Variants in PTPRJ observed in about 807,000 individuals in gnomAD.
PTPRJ encodes receptor-type tyrosine-protein phosphatase eta.
In PTPRJ, 129 loss-of-function variants were observed where a neutral mutation model predicts 141.3. The observed-to-expected ratio is 0.91, with a 90% CI of 0.79 to 1.06. PTPRJ has a LOEUF of 1.06. Among genes scored for constraint, PTPRJ ranks in the 50% least tolerant of loss-of-function variants. The pLI, the probability that PTPRJ is intolerant of heterozygous loss-of-function variation, is 0.00. For missense variants in PTPRJ, 1,601 were observed against 1,679.7 expected, an observed-to-expected ratio of 0.95 and a Z score of 0.82; for synonymous variants, 610 against 640.5, an observed-to-expected ratio of 0.95 and a Z score of 0.72.
chr11:48,014,736 G>A (rs961785115), intron 1 of PTPRJ: 1 of 152,196 alleles, frequency 6.6e-6, no homozygotes, highest in Non-Finnish European at 1.5e-5. Flanking sequence ...TTTCACTCTT[G>A]TTACCCAGGC....
chr11:48,058,873 C>A, intron 1 of PTPRJ, among the ~76,000 whole-genome samples: 1 of 152,302 alleles, frequency 6.6e-6, no homozygotes, highest in East Asian at 1.9e-4. Flanking sequence ...CCCGGCAGCT[C>A]CCTGGCCTCT....
chr11:48,129,230 A>G (rs76914643), intron 7 of PTPRJ, among the ~76,000 whole-genome samples: 5,669 of 152,344 alleles, frequency 0.037, 113 homozygotes, highest in Middle Eastern at 0.061. Context: ...GGGCTACCAG[A>G]ACAAGTACCA....
In PTPRJ at chr11:48,105,320, C is replaced by G. The variant is rs146349425; in HGVS notation, c.97-4738C>G. Among the ~76,000 whole-genome samples, 102 of 152,264 alleles carry G rather than the reference C, an allele frequency of 6.7e-4. 2 individuals are homozygous for G. The East Asian group carries it at 0.018, about 27-fold the overall frequency. On this transcript the variant is annotated intron_variant, in intron 1 of 24. Coordinates refer to ENST00000418331, the MANE Select transcript of PTPRJ (RefSeq NM_002843.4). ...TTAAGCACCCTCTGCATCTTTGGCACCTAACCTGGGGCCTGGGGCCCTGCA... is the reference window on the plus strand; with the variant it reads ...TTAAGCACCCTCTGCATCTTTGGCAGCTAACCTGGGGCCTGGGGCCCTGCA...
At chr11:48,097,305 T>A (rs1334095744) in intron 1 of PTPRJ, among the ~76,000 whole-genome samples, 1 of 152,186 alleles carries the variant, frequency 6.6e-6, no homozygotes, top group Non-Finnish European at 1.5e-5. Context: ...AGGTAGGGGA[T>A]GACAACATGG....
intron 1 of PTPRJ, among the ~76,000 whole-genome samples, chr11:48,089,832 T>G (rs1262491754): frequency 1.3e-5 from 2 of 152,174 alleles, no homozygotes; most frequent in East Asian, 3.9e-4. Context: ...ACTGCCCTGT[T>G]CCAGGCCTGG....
intron 7 of PTPRJ, 121 bp from the exon 8 acceptor site, chr11:48,130,338 A>T: frequency 9.8e-7 from 1 of 1,018,418 alleles, no homozygotes; most frequent in Non-Finnish European, 1.4e-6. Context: ...GATACAAAGA[A>T]GACAGAGAGA....
chr11:48,137,118 G>A lies in PTPRJ; in HGVS notation c.1989G>A (p.Lys663=), dbSNP rs369635218. 172 of 1,611,080 alleles carry A rather than the reference G, an allele frequency of 1.1e-4. No homozygotes were observed. The highest frequency in any genetic ancestry group is 1.4e-4 in the Non-Finnish European group (167 of 1,177,344). Residue 663 remains lysine (K), a synonymous_variant, in exon 10 of 25, where the codon AAG becomes AAA. Coordinates refer to ENST00000418331, the MANE Select transcript of PTPRJ (RefSeq NM_002843.4). ...PTYSYCLLIE[K]AGNSSNATQV... Reference sequence around the variant, plus strand: ...ACTCCTACTGCCTTCTTATTGAGAAGGCTGGAAATTCCAGCAACGCAACAC... The same window carrying A: ...ACTCCTACTGCCTTCTTATTGAGAAAGCTGGAAATTCCAGCAACGCAACAC...
chr11:48,142,776 T>C (rs1432958057), intron 11 of PTPRJ, 143 bp from the exon 12 acceptor site: 2 of 1,029,368 alleles, frequency 1.9e-6, no homozygotes, highest in African/African-American at 3.3e-5. Context: ...TGCCTTTTGC[T>C]TCTGGATTTG....
At chr11:48,018,044 A>G (rs1443791917) in intron 1 of PTPRJ, among the ~76,000 whole-genome samples, 1 of 152,252 alleles carries the variant, frequency 6.6e-6, no homozygotes, top group African/African-American at 2.4e-5. Context: ...TTCTGATGAT[A>G]AAAATACTTT....
intron 1 of PTPRJ, among the ~76,000 whole-genome samples, chr11:48,014,113 T>C (rs1190665014): frequency 6.6e-6 from 1 of 152,180 alleles, no homozygotes; most frequent in Non-Finnish European, 1.5e-5. Flanking sequence ...GTGGATGCTC[T>C]TCGTTCCTTT....
intron 1 of PTPRJ, among the ~76,000 whole-genome samples, chr11:48,023,719 T>C: frequency 6.7e-6 from 1 of 149,288 alleles, no homozygotes; most frequent in East Asian, 2.0e-4. Context: ...AAGGCAAAGA[T>C]TGCAGTGAGC....
intron 1 of PTPRJ, among the ~76,000 whole-genome samples, chr11:48,018,872 G>A (rs571143136): frequency 6.6e-6 from 1 of 152,224 alleles, no homozygotes; most frequent in Non-Finnish European, 1.5e-5. Flanking sequence ...CCCAGGGAGG[G>A]TTAGATACCT....
chr11:48,068,865 TTGTGAA>T (rs1420096150), intron 1 of PTPRJ, among the ~76,000 whole-genome samples: 2 of 152,192 alleles, frequency 1.3e-5, no homozygotes, highest in Non-Finnish European at 2.9e-5. Flanking sequence ...CAGAGGTCTC[TTGTGAA>T]GATTAAATGA....
intron 2 of PTPRJ, among the ~76,000 whole-genome samples, chr11:48,110,819 C>T (rs1360403871): frequency 1.3e-5 from 2 of 152,164 alleles, no homozygotes; most frequent in African/African-American, 2.4e-5. Context: ...ATGCACAGGG[C>T]TGAGTCCCAA....
intron 18 of PTPRJ, among the ~76,000 whole-genome samples, chr11:48,151,460 C>CTT (rs796750214): frequency 6.9e-6 from 1 of 144,256 alleles, no homozygotes; most frequent in Non-Finnish European, 1.5e-5. Flanking sequence ...TGTAAAGAGC[C>CTT]TTTTTTTTTT....
intron 24 of PTPRJ, among the ~76,000 whole-genome samples, chr11:48,165,569 A>G (rs1857898362): frequency 6.6e-6 from 1 of 152,134 alleles, no homozygotes; most frequent in South Asian, 2.1e-4. Context: ...AACTCTATGA[A>G]TATGTGCTGT....
At position 47,993,072 on chromosome 11, in the gene PTPRJ, C is replaced by T. The variant is rs1436368026; in HGVS notation, c.96+12064C>T. On this transcript the variant is annotated intron_variant, in intron 1 of 24. Transcript: ENST00000418331. ...CAGTGTCTCTATGTGTAGCTGGAAA[C>T]CATTCCTGCAGCAGGTAAGCAGGAA... Among the ~76,000 whole-genome samples, 3 of 152,062 alleles carry T rather than the reference C, an allele frequency of 2.0e-5. No homozygotes were observed. In the East Asian group the frequency reaches 5.8e-4, roughly 29 times the overall value.
chr11:48,040,584 TCTTA>T (rs1311155168), intron 1 of PTPRJ, among the ~76,000 whole-genome samples: 3 of 151,918 alleles, frequency 2.0e-5, no homozygotes, highest in African/African-American at 7.3e-5. Flanking sequence ...CTCCAGCTTC[TCTTA>T]CTTTCTTTCT....
intron 15 of PTPRJ, among the ~76,000 whole-genome samples, chr11:48,148,397 C>T (rs992826088): frequency 2.0e-5 from 3 of 152,052 alleles, no homozygotes; most frequent in Non-Finnish European, 4.4e-5. Flanking sequence ...ATCAAGCCTG[C>T]TTTATTCAGC....
Sources: gnomAD v4.1 joint callset for allele counts (sites outside exome capture counted in the v4.1 genomes callset) on GRCh38, gnomAD v4.1.1 for gene constraint, MANE v1.5 for transcripts, NCBI Gene and HGNC (gene_info 2026-07-23, HGNC 2026-07-21) for gene names.